CALN1: variants seen among roughly 807,000 people sequenced by gnomAD.
CALN1 encodes the protein calcium-binding protein 8.
CALN1 carries 17 observed loss-of-function variants against 30.6 expected under a neutral mutation model. The observed-to-expected ratio is 0.56, with a 90% CI of 0.38 to 0.83. CALN1 has a LOEUF of 0.83. CALN1 is among the 40% of genes least tolerant of loss of function. The probability of loss-of-function intolerance (pLI) is 0.00; values close to 1 mark genes in which losing one functional copy is unlikely to be tolerated. For missense variants in CALN1, 291 were observed against 354.9 expected, an observed-to-expected ratio of 0.82 and a Z score of 1.45; for synonymous variants, 156 against 131.4, an observed-to-expected ratio of 1.19 and a Z score of -1.28.
chr7:72,015,690 C>T (rs1333171122), intron 5 of CALN1, among the ~76,000 whole-genome samples: 1 of 152,120 alleles, frequency 6.6e-6, no homozygotes, highest in African/African-American at 2.4e-5. Flanking sequence ...GAGAGCCTCC[C>T]ACCTCTGCCT....
the CALN1 span, among the ~76,000 whole-genome samples, chr7:72,461,523 G>A: frequency 6.6e-6 from 1 of 152,134 alleles, no homozygotes; most frequent in Non-Finnish European, 1.5e-5. Context: ...GATGCAGCTG[G>A]AGGCCATTAT....
In CALN1 at chr7:72,137,327, G is replaced by A. The variant is rs74540409; in HGVS notation, c.245-31033C>T. On this transcript the variant is annotated intron_variant, in intron 3 of 6. Coordinates refer to ENST00000395275, the MANE Select transcript of CALN1 (RefSeq NM_031468.4). ...GTGGTTTTTAAAGAGAACTTACAAC[G>A]GTGGTGTTTTGTTCAAGATGGCGAT... Among the ~76,000 whole-genome samples the A allele has an allele frequency of 6.9e-3, 1,052 of 152,214 alleles. 13 individuals are homozygous for A. Among genetic ancestry groups the A allele is most frequent in the African/African-American group, 0.023 (967 of 41,536 alleles).
chr7:71,846,850 ATATGTATATATG>A (rs1442099412), intron 5 of CALN1, among the ~76,000 whole-genome samples: 3 of 146,028 alleles, frequency 2.1e-5, no homozygotes, highest in African/African-American at 5.0e-5. Context: ...TATATATTAT[ATATGTATATATG>A]TATGTATATA....
At chr7:72,056,708 ACT>A (rs368327140) in intron 4 of CALN1, among the ~76,000 whole-genome samples, 46 of 152,306 alleles carry the variant, frequency 3.0e-4, no homozygotes, top group African/African-American at 1.0e-3. Context: ...ATCTAGGAAA[ACT>A]CTATGCAATG....
intron 2 of CALN1, among the ~76,000 whole-genome samples, chr7:72,385,626 C>T (rs889254447): frequency 6.6e-6 from 1 of 152,140 alleles, no homozygotes; most frequent in Non-Finnish European, 1.5e-5. Flanking sequence ...CCACCCAATG[C>T]TCATCTGGAA....
intron 4 of CALN1, among the ~76,000 whole-genome samples, chr7:72,038,532 A>G (rs1305795203): frequency 2.6e-5 from 4 of 152,024 alleles, no homozygotes; most frequent in Non-Finnish European, 5.9e-5. Flanking sequence ...TTTGAACCAG[A>G]GCAACTCCAT....
chr7:72,216,110 T>C (rs1792790027), intron 3 of CALN1, among the ~76,000 whole-genome samples: 2 of 152,070 alleles, frequency 1.3e-5, no homozygotes, highest in Non-Finnish European at 2.9e-5. Context: ...ACTAACAAAC[T>C]TGTTGACCTT....
At chr7:72,320,341 G>A (rs1800785264) in intron 2 of CALN1, among the ~76,000 whole-genome samples, 1 of 152,158 alleles carries the variant, frequency 6.6e-6, no homozygotes, top group African/African-American at 2.4e-5. Flanking sequence ...AGTCCAGTGA[G>A]TCGAGCCTGA....
intron 2 of CALN1, among the ~76,000 whole-genome samples, chr7:72,363,149 A>C (rs757098019): frequency 6.6e-6 from 1 of 152,070 alleles, no homozygotes; most frequent in Non-Finnish European, 1.5e-5. Flanking sequence ...AATATTAGTT[A>C]TTTTTGCTGA....
chr7:72,012,111 G>A (rs1031136702), intron 5 of CALN1, among the ~76,000 whole-genome samples: 4 of 152,306 alleles, frequency 2.6e-5, no homozygotes, highest in Middle Eastern at 6.8e-3. Context: ...GGACTTTCCC[G>A]ATAATGTGAC....
intron 2 of CALN1, among the ~76,000 whole-genome samples, chr7:72,301,842 TATCAC>T (rs980161173): frequency 4.6e-5 from 7 of 152,052 alleles, no homozygotes; most frequent in Non-Finnish European, 1.0e-4. Flanking sequence ...ACCTGCCTCT[TATCAC>T]AGCCCATCAC....
At chr7:72,044,530 C>T (rs1474232054) in intron 4 of CALN1, among the ~76,000 whole-genome samples, 32 of 151,736 alleles carry the variant, frequency 2.1e-4, no homozygotes, top group Admixed American at 2.0e-3. Flanking sequence ...TGCATCAAAC[C>T]TCCCCTTCTA....
At chr7:71,829,874 G>A (rs1789155159) in intron 5 of CALN1, among the ~76,000 whole-genome samples, 1 of 152,200 alleles carries the variant, frequency 6.6e-6, no homozygotes, top group South Asian at 2.1e-4. Flanking sequence ...ACATCGAAGA[G>A]GATGTGCCAG....
intron 1 of CALN1, among the ~76,000 whole-genome samples, chr7:72,411,766 T>G (rs138162969): frequency 6.6e-6 from 1 of 152,272 alleles, no homozygotes; most frequent in East Asian, 1.9e-4. Flanking sequence ...TTGACATGAA[T>G]GTAATTGCTA....
At chr7:72,229,952 C>A (rs999896199) in intron 3 of CALN1, among the ~76,000 whole-genome samples, 6 of 151,816 alleles carry the variant, frequency 4.0e-5, no homozygotes, top group Non-Finnish European at 7.4e-5. Flanking sequence ...ACCATCCTGG[C>A]TAACAGGGTG....
At chr7:71,851,437 T>G (rs1790641219) in intron 5 of CALN1, among the ~76,000 whole-genome samples, 1 of 151,414 alleles carries the variant, frequency 6.6e-6, no homozygotes. Context: ...CAGAATTGCT[T>G]GAATCTAGGA....
In CALN1 at chr7:71,862,726, C is replaced by T. The variant is rs114338976; in HGVS notation, c.502-52234G>A. Among the ~76,000 whole-genome samples, 735 of 152,282 alleles carry T rather than the reference C, an allele frequency of 4.8e-3. 9 individuals carry two copies. The highest frequency in any genetic ancestry group is 0.015 in the African/African-American group (632 of 41,566). On this transcript the variant is annotated intron_variant, in intron 5 of 6. Coordinates refer to ENST00000395275, the MANE Select transcript of CALN1 (RefSeq NM_031468.4). ...AAGCTCACATCTTTAGATACATTAT[C>T]CTGACCAGGATTTAAATTCCCAGAT... is the stretch of plus-strand genomic sequence containing the variant.
At chr7:72,217,701 G>A (rs1562753211) in intron 3 of CALN1, among the ~76,000 whole-genome samples, 1 of 151,910 alleles carries the variant, frequency 6.6e-6, no homozygotes, top group Non-Finnish European at 1.5e-5. Flanking sequence ...ACTGGGGCTG[G>A]GTGTGGTGGC....
At chr7:72,273,276 G>A (rs550466077) in intron 3 of CALN1, among the ~76,000 whole-genome samples, 44 of 151,896 alleles carry the variant, frequency 2.9e-4, no homozygotes, top group Non-Finnish European at 5.4e-4. Flanking sequence ...ACAAAAATTC[G>A]CCAGGCGTGG....
Sources: gnomAD v4.1 joint callset for allele counts (sites outside exome capture counted in the v4.1 genomes callset) on GRCh38, gnomAD v4.1.1 for gene constraint, MANE v1.5 for transcripts, NCBI Gene and HGNC (gene_info 2026-07-23, HGNC 2026-07-21) for gene names.